The following B3GLCT variants were observed in gnomAD, a reference collection of about 807,000 sequenced individuals.
B3GLCT encodes the protein beta 3-glucosyltransferase.
Under a neutral mutation model 63.4 loss-of-function variants are expected in B3GLCT, and 65 were observed. That is an observed-to-expected ratio of 1.03 (90% CI 0.84 to 1.26). B3GLCT has a LOEUF of 1.26. B3GLCT is among the 50% of genes most tolerant of loss of function. The pLI, the probability that B3GLCT is intolerant of heterozygous loss-of-function variation, is 0.00. For missense variants in B3GLCT, 577 were observed against 604.8 expected (o/e 0.95, Z 0.48); for synonymous variants, 233 against 219.2 (o/e 1.06, Z -0.55).
intron 4 of B3GLCT, among the ~76,000 whole-genome samples, chr13:31,246,168 A>G (rs1871186486): frequency 6.6e-6 from 1 of 152,206 alleles, no homozygotes; most frequent in Non-Finnish European, 1.5e-5. Context: ...GTTACTAGGA[A>G]TATAGTTTTA....
At position 31,200,167 on chromosome 13, in the gene B3GLCT, C is replaced by G; in HGVS notation, c.70+13C>G. ...ACCTGCTCCCTGGGTAAGTAGCGGG[C>G]GGCCAGGCGCGCAAGGGCGAGGCGT... On this transcript the variant is annotated intron_variant, in intron 1 of 14. Transcript: ENST00000343307. 1 of 1,299,086 alleles carries G rather than the reference C, an allele frequency of 7.7e-7. No homozygotes were observed. Among genetic ancestry groups the G allele is most frequent in the Admixed American group, 3.1e-5 (1 of 32,352 alleles). The allele number at this position is 1,299,086 out of a possible 1,614,324, so 80.5% of individuals were successfully genotyped here.
intron 7 of B3GLCT, among the ~76,000 whole-genome samples, chr13:31,267,730 C>G (rs934623333): frequency 2.0e-5 from 3 of 152,134 alleles, no homozygotes; most frequent in Non-Finnish European, 4.4e-5. Context: ...TTCTTCTAAT[C>G]AGAAGTGAAT....
chr13:31,211,061 A>T (rs1190058599), intron 1 of B3GLCT, among the ~76,000 whole-genome samples: 3 of 152,070 alleles, frequency 2.0e-5, no homozygotes, highest in Non-Finnish European at 4.4e-5. Context: ...TTCCTTGATG[A>T]TTTCTTTTGA....
intron 12 of B3GLCT, among the ~76,000 whole-genome samples, chr13:31,313,414 A>C (rs188082629): frequency 1.6e-4 from 25 of 152,340 alleles, no homozygotes; most frequent in Admixed American, 1.6e-3. Flanking sequence ...GTGATGTCAG[A>C]TGGAAATGAG....
chr13:31,297,022 CTTGTT>C (rs1236319570), intron 12 of B3GLCT, among the ~76,000 whole-genome samples: 1 of 142,788 alleles, frequency 7.0e-6, no homozygotes, highest in African/African-American at 2.6e-5. Context: ...TCATACAGTA[CTTGTT>C]TTTTTTTTTT....
At chr13:31,308,347 T>TTAAAAAAAAAAAAAAAAA (rs1450252463) in intron 12 of B3GLCT, among the ~76,000 whole-genome samples, 5 of 23,688 alleles carry the variant, frequency 2.1e-4, no homozygotes, top group East Asian at 1.5e-3. Flanking sequence ...AAAAAAAAAT[T>TTAAAAAAAAAAAAAAAAA]AAAAAAAAAA....
chr13:31,313,985 A>T (rs1874859923), intron 12 of B3GLCT, among the ~76,000 whole-genome samples: 1 of 152,160 alleles, frequency 6.6e-6, no homozygotes, highest in Non-Finnish European at 1.5e-5. Flanking sequence ...TTGGGCTGTG[A>T]CTTCAGAGAG....
chr13:31,278,459 C>G (rs901645786), intron 10 of B3GLCT, among the ~76,000 whole-genome samples: 2 of 152,038 alleles, frequency 1.3e-5, no homozygotes, highest in Non-Finnish European at 2.9e-5. Context: ...AGAAACAAAC[C>G]TTCCAAAGCC....
At chr13:31,311,412 C>T (rs1042460760) in intron 12 of B3GLCT, 1 of 152,262 alleles carries the variant, frequency 6.6e-6, no homozygotes, top group Admixed American at 6.5e-5. Context: ...CTGGCTGCTG[C>T]TCTCCATGAT....
At chr13:31,309,071 C>T (rs1874563678) in intron 12 of B3GLCT, among the ~76,000 whole-genome samples, 2 of 152,150 alleles carry the variant, frequency 1.3e-5, no homozygotes, top group African/African-American at 4.8e-5. Context: ...GTAACTTTTA[C>T]CTTTAGTAAC....
intron 6 of B3GLCT, among the ~76,000 whole-genome samples, chr13:31,256,350 C>T (rs1871738316): frequency 6.6e-6 from 1 of 152,138 alleles, no homozygotes. Context: ...TTAGTTCAAC[C>T]ATTGTGGAAG....
intron 3 of B3GLCT, among the ~76,000 whole-genome samples, chr13:31,228,802 C>G (rs1161081488): frequency 1.3e-5 from 2 of 152,216 alleles, no homozygotes; most frequent in Non-Finnish European, 2.9e-5. Context: ...GGTAGCAGCA[C>G]AGTGTAGGAT....
chr13:31,317,832 A>G, intron 13 of B3GLCT, 147 bp downstream of exon 13: 3 of 966,114 alleles, frequency 3.1e-6, no homozygotes, highest in Admixed American at 2.3e-5. Context: ...TGAACATTAT[A>G]TTTGCTAAAT....
At chr13:31,275,799 G>GCA (rs140387866) in intron 9 of B3GLCT, among the ~76,000 whole-genome samples, 3 of 150,918 alleles carry the variant, frequency 2.0e-5, no homozygotes, top group Admixed American at 6.6e-5. Flanking sequence ...ACACACACAC[G>GCA]CACACACACA....
intron 7 of B3GLCT, among the ~76,000 whole-genome samples, chr13:31,265,136 T>C (rs537902040): frequency 6.6e-6 from 1 of 152,214 alleles, no homozygotes. Context: ...ACTGCATGTG[T>C]GTTCTAATCT....
Position 31,247,826 on chromosome 13 carries a change from G to T in B3GLCT, c.348-29G>T. On this transcript the variant is annotated intron_variant, in intron 5 of 14. Coordinates refer to ENST00000343307, the MANE Select transcript of B3GLCT (RefSeq NM_194318.4). ...TATTATTAACTTATTTTACAGAAGT[G>T]ATTACTGAAACTTGTTTCTTTTGGT... 2.6e-6 allele frequency: 3 copies of T among 1,155,304 alleles called. No individual in the cohort carries two copies. The South Asian group carries it at 3.7e-5, about 14-fold the overall frequency. 71.6% of individuals were successfully genotyped at this position (1,155,304 alleles called of 1,614,324 possible). A position where few individuals can be genotyped will look rare whatever the true frequency, so the allele number is the denominator to read the frequency against.
At chr13:31,282,649 CAAAAAAA>C (rs11333268) in intron 10 of B3GLCT, among the ~76,000 whole-genome samples, 2 of 130,116 alleles carry the variant, frequency 1.5e-5, no homozygotes, top group African/African-American at 3.0e-5. Context: ...GACTCTGTCT[CAAAAAAA>C]AAAAAAAAAA....
intron 13 of B3GLCT, among the ~76,000 whole-genome samples, chr13:31,320,187 C>T (rs1300715533): frequency 6.6e-6 from 1 of 152,228 alleles, no homozygotes. Context: ...CTCAGAGGCC[C>T]TCAGTGGCTT....
intron 2 of B3GLCT, among the ~76,000 whole-genome samples, chr13:31,217,501 A>C (rs1391945331): frequency 2.0e-5 from 3 of 152,180 alleles, no homozygotes; most frequent in Non-Finnish European, 4.4e-5. Context: ...TGTAGTCTTC[A>C]TGAAGTCTTT....
Sources: gnomAD v4.1 joint callset for allele counts (sites outside exome capture counted in the v4.1 genomes callset) on GRCh38, gnomAD v4.1.1 for gene constraint, MANE v1.5 for transcripts, NCBI Gene and HGNC (gene_info 2026-07-23, HGNC 2026-07-21) for gene names.